Variants in CHKA observed in about 807,000 individuals in gnomAD.
CHKA encodes CHETK-alpha.
A neutral mutation model predicts 60.1 loss-of-function variants in CHKA; 34 were observed. That is an observed-to-expected ratio of 0.57 (90% CI 0.43 to 0.75). CHKA has a LOEUF of 0.75. Among genes scored for constraint, CHKA ranks in the 30% least tolerant of loss-of-function variants. The probability of loss-of-function intolerance (pLI) is 0.00; values close to 1 mark genes in which losing one functional copy is unlikely to be tolerated. For missense variants in CHKA, 563 were observed against 561.3 expected, an observed-to-expected ratio of 1.00 and a Z score of -0.03; for synonymous variants, 217 against 223.1, an observed-to-expected ratio of 0.97 and a Z score of 0.24.
intron 6 of CHKA, 23 bp downstream of exon 6, chr11:68,070,166 C>G (rs758314000): frequency 6.6e-7 from 1 of 1,525,038 alleles, no homozygotes; most frequent in Non-Finnish European, 9.1e-7. Flanking sequence ...TATTTAAAGT[C>G]AGGAAATAGA....
chr11:68,066,769 G>A (rs1444668523), intron 7 of CHKA, among the ~76,000 whole-genome samples: 1 of 152,186 alleles, frequency 6.6e-6, no homozygotes, highest in African/African-American at 2.4e-5. Context: ...CAGACCCCCA[G>A]GATCACTGTG....
chr11:68,080,447 A>C (rs980485577), intron 3 of CHKA, among the ~76,000 whole-genome samples: 15 of 152,036 alleles, frequency 9.9e-5, no homozygotes, highest in African/African-American at 3.6e-4. Context: ...TCCCAGGTTC[A>C]AGTAATTCTC....
intron 1 of CHKA, among the ~76,000 whole-genome samples, chr11:68,101,760 T>C (rs1484949729): frequency 1.3e-5 from 2 of 151,956 alleles, no homozygotes; most frequent in African/African-American, 4.8e-5. Context: ...CACAAATAAA[T>C]GGAACAATAT....
Position 68,121,048 on chromosome 11 carries a change from C to A in CHKA, c.130G>T (p.Glu44Ter). ...GQQRDAASDL[E>*]SKQLGGQQPP... Reference sequence around the variant, plus strand: ...TGTTGGCCGCCCAGCTGCTTGGACTCGAGGTCGCTGGCGGCGTCGCGCTGC... The same window carrying A: ...TGTTGGCCGCCCAGCTGCTTGGACTAGAGGTCGCTGGCGGCGTCGCGCTGC... The change falls in exon 1 of 12, where the codon GAG becomes TAG. Residue 44 changes from glutamate to a stop codon, truncating the protein, a stop_gained. Coordinates refer to ENST00000265689, the MANE Select transcript of CHKA (RefSeq NM_001277.3). LOFTEE classifies it high-confidence loss of function. 1 of 1,106,776 alleles carries A rather than the reference C, an allele frequency of 9.0e-7. No homozygotes were observed. Among genetic ancestry groups the A allele is most frequent in the Non-Finnish European group, 1.1e-6 (1 of 909,178 alleles). 68.6% of individuals were successfully genotyped at this position (1,106,776 alleles called of 1,614,324 possible).
intron 1 of CHKA, among the ~76,000 whole-genome samples, chr11:68,108,471 G>A (rs532369564): frequency 6.6e-5 from 10 of 152,356 alleles, no homozygotes; most frequent in Non-Finnish European, 1.0e-4. Flanking sequence ...GTGGCTGGGC[G>A]CAGAGGCTCA....
chr11:68,115,223 A>G (rs1858337616), intron 1 of CHKA, among the ~76,000 whole-genome samples: 1 of 152,228 alleles, frequency 6.6e-6, no homozygotes, highest in Admixed American at 6.5e-5. Context: ...CAGTAGATTC[A>G]ATGTATTAAA....
intron 11 of CHKA, among the ~76,000 whole-genome samples, chr11:68,060,020 TAG>T (rs1289469016): frequency 1.4e-5 from 2 of 142,386 alleles, no homozygotes; most frequent in Non-Finnish European, 3.1e-5. Context: ...GTTTCTGAGA[TAG>T]AGTTTCACTC....
At chr11:68,102,570 T>TA (rs1232438219) in intron 1 of CHKA, among the ~76,000 whole-genome samples, 1 of 152,038 alleles carries the variant, frequency 6.6e-6, no homozygotes, top group Non-Finnish European at 1.5e-5. Flanking sequence ...ATCGAAAACT[T>TA]AAAGTAAGAC....
intron 1 of CHKA, among the ~76,000 whole-genome samples, chr11:68,107,468 G>A (rs1009640919): frequency 6.6e-6 from 1 of 151,702 alleles, no homozygotes; most frequent in African/African-American, 2.4e-5. Flanking sequence ...GCCTATTTCA[G>A]TTAACAGTAG....
At chr11:68,081,513 C>A in intron 2 of CHKA, 56 bp from the exon 3 acceptor site, 1 of 1,397,116 alleles carries the variant, frequency 7.2e-7, no homozygotes, top group African/African-American at 1.4e-5. Flanking sequence ...TAAACAGACA[C>A]TAACTTTGCA....
chr11:68,055,427 T>C (rs1855976795), intron 11 of CHKA, among the ~76,000 whole-genome samples: 1 of 152,132 alleles, frequency 6.6e-6, no homozygotes, highest in Non-Finnish European at 1.5e-5. Context: ...GCTATGAGTG[T>C]TTGAGTGCAA....
At position 68,120,874 on chromosome 11, in the gene CHKA, C is replaced by A; in HGVS notation, c.304G>T (p.Ala102Ser). The change falls in exon 1 of 12, where the codon GCC (alanine) becomes TCC (serine). Residue 102 changes from alanine (A) to serine (S), a missense_variant. By Grantham distance (99) the Ala-to-Ser change is moderately conservative. Coordinates refer to ENST00000265689, the MANE Select transcript of CHKA (RefSeq NM_001277.3). ...TCGTCCTCGCGGAGGCCCCGCCAGG[C>A]GCCGGGCAGGAACTCCTTGCACCAC... ...YLWCKEFLPGAWRGLREDEFH... is the reference protein window; with the variant it reads ...YLWCKEFLPGSWRGLREDEFH... 7.4e-7 allele frequency: 1 copy of A among 1,357,006 alleles called. No individual in the cohort carries two copies. 84.1% of individuals were successfully genotyped at this position (1,357,006 alleles called of 1,614,324 possible).
chr11:68,097,771 G>A (rs1280784950), intron 1 of CHKA, among the ~76,000 whole-genome samples: 1 of 152,050 alleles, frequency 6.6e-6, no homozygotes, highest in Non-Finnish European at 1.5e-5. Context: ...TTGACTAGGA[G>A]CTTGTTCAAA....
chr11:68,058,671 A>G (rs1272320584), intron 11 of CHKA, among the ~76,000 whole-genome samples: 1 of 152,128 alleles, frequency 6.6e-6, no homozygotes, highest in Non-Finnish European at 1.5e-5. Context: ...TATTATTTTA[A>G]AAGCACACAA....
intron 11 of CHKA, among the ~76,000 whole-genome samples, chr11:68,054,912 T>C (rs1343165476): frequency 1.3e-5 from 2 of 152,230 alleles, no homozygotes; most frequent in Admixed American, 6.5e-5. Flanking sequence ...TAAATGCCAC[T>C]ATACAATATG....
In CHKA at chr11:68,053,864, G is replaced by A; in HGVS notation, c.*124C>T. ...ATACCGTCTTTAGTATCATACACAT[G>A]TGTTCAGTAGTGAGCCACCCAAAGC... is the stretch of plus-strand genomic sequence containing the variant. On this transcript the variant is annotated 3_prime_UTR_variant, in exon 12 of 12. Coordinates refer to ENST00000265689, the MANE Select transcript of CHKA (RefSeq NM_001277.3). 1.5e-6 allele frequency: 1 copy of A among 662,250 alleles called. No individual in the cohort carries two copies. The highest frequency in any genetic ancestry group is 2.7e-6 in the Non-Finnish European group (1 of 371,264). The allele number at this position is 662,250 out of a possible 1,614,324, so 41.0% of individuals were successfully genotyped here. A position where few individuals can be genotyped will look rare whatever the true frequency, so the allele number is the denominator to read the frequency against.
chr11:68,102,192 T>C (rs374782254), intron 1 of CHKA, among the ~76,000 whole-genome samples: 3 of 151,580 alleles, frequency 2.0e-5, no homozygotes, highest in Non-Finnish European at 4.4e-5. Flanking sequence ...ACATTCTTCA[T>C]AGAAATAGGA....
chr11:68,121,362 G>A lies in CHKA; in HGVS notation c.-185C>T. 5.3e-6 allele frequency: 1 copy of A among 188,746 alleles called. No individual in the cohort carries two copies. Among genetic ancestry groups the A allele is most frequent in the Non-Finnish European group, 9.6e-6 (1 of 103,736 alleles). The allele number at this position is 188,746 out of a possible 1,614,324, so 11.7% of individuals were successfully genotyped here. A position where few individuals can be genotyped will look rare whatever the true frequency, so the allele number is the denominator to read the frequency against. ...TGCGGCGACTGTGGAGCGGGGATGT[G>A]CTGCTGGCCGCTGCACTCGCTCCTC... is the stretch of plus-strand genomic sequence containing the variant. On this transcript the variant is annotated 5_prime_UTR_variant, in exon 1 of 12. Coordinates refer to ENST00000265689, the MANE Select transcript of CHKA (RefSeq NM_001277.3).
chr11:68,093,653 G>C (rs1476072118), intron 2 of CHKA, among the ~76,000 whole-genome samples: 2 of 152,036 alleles, frequency 1.3e-5, no homozygotes, highest in Non-Finnish European at 2.9e-5. Context: ...ACTACTTCCA[G>C]ACTGCTAAAA....
Sources: gnomAD v4.1 joint callset for allele counts (sites outside exome capture counted in the v4.1 genomes callset) on GRCh38, gnomAD v4.1.1 for gene constraint, MANE v1.5 for transcripts, NCBI Gene and HGNC (gene_info 2026-07-23, HGNC 2026-07-21) for gene names.